LINC00632: variants seen among roughly 807,000 people sequenced by gnomAD.
LINC00632 encodes the protein long independently transcribed non-coding RNA 632.
intron 1 of LINC00632, among the ~76,000 whole-genome samples, chrX:140,710,453 T>C (rs1293466426): frequency 9.0e-6 from 1 of 111,133 alleles, no homozygotes; most frequent in Non-Finnish European, 1.9e-5. Context: ...TGATCGTGCT[T>C]TCATTGGAAA....
chrX:140,728,400 C>T (rs1931001339), intron 2 of LINC00632, among the ~76,000 whole-genome samples: 1 of 110,692 alleles, frequency 9.0e-6, no homozygotes, highest in African/African-American at 3.3e-5. Context: ...AGATTTACCC[C>T]CAAATGCACA....
chrX:140,748,663 T>C (rs960627176), intron 3 of LINC00632, among the ~76,000 whole-genome samples: 1 of 110,317 alleles, frequency 9.1e-6, no homozygotes, highest in Non-Finnish European at 1.9e-5. Flanking sequence ...CTTTATCTCA[T>C]TGCCAGTTTT....
chrX:140,742,031 T>G (rs1931231421), intron 3 of LINC00632, among the ~76,000 whole-genome samples: 1 of 112,183 alleles, frequency 8.9e-6, no homozygotes, highest in Non-Finnish European at 1.9e-5. Context: ...TGCTCCTCCC[T>G]GTCTCTCAGC....
chrX:140,776,592 G>A (rs751982981), exon 5 of LINC00632, among the ~76,000 whole-genome samples: 25 of 112,463 alleles, frequency 2.2e-4, no homozygotes, highest in South Asian at 1.1e-3. Flanking sequence ...GTCCGCATCC[G>A]CCGCGCGTTA....
exon 4 of LINC00632, among the ~76,000 whole-genome samples, chrX:140,773,002 C>G (rs61230653): frequency 0.059 from 6,516 of 111,113 alleles, 213 homozygotes; most frequent in Admixed American, 0.18. Context: ...CTTGTCTCTA[C>G]TAAAAATACA....
At chrX:140,782,877 A>G (rs1931954442) in exon 5 of LINC00632, 1 of 111,655 alleles carries the variant, frequency 9.0e-6, no homozygotes, top group Non-Finnish European at 1.9e-5. Flanking sequence ...TCTTTTTGAC[A>G]TAAATATGTC....
intron 2 of LINC00632, among the ~76,000 whole-genome samples, chrX:140,723,392 ACACACACATTC>A (rs1369381432): frequency 2.6e-3 from 3 of 1,163 alleles, no homozygotes; most frequent in African/African-American, 0.013. Flanking sequence ...CACATTCCAT[ACACACACATTC>A]CATACACACA....
chrX:140,769,091 C>CCTTGG (rs1342264719), intron 3 of LINC00632, among the ~76,000 whole-genome samples: 1 of 110,613 alleles, frequency 9.0e-6, no homozygotes, highest in Non-Finnish European at 1.9e-5. Context: ...GGGGAAGGTG[C>CCTTGG]CTTGTAGTGC....
intron 2 of LINC00632, among the ~76,000 whole-genome samples, chrX:140,728,571 C>T (rs1034119773): frequency 9.0e-6 from 1 of 110,866 alleles, no homozygotes; most frequent in African/African-American, 3.3e-5. Context: ...AGCCTCACCC[C>T]ACGAGGTACC....
exon 5 of LINC00632, among the ~76,000 whole-genome samples, chrX:140,776,651 G>A (rs1450218874): frequency 8.9e-6 from 1 of 112,052 alleles, no homozygotes; most frequent in Non-Finnish European, 1.9e-5. Flanking sequence ...GATAGATGCC[G>A]GAGAGGATGT....
chrX:140,718,326 C>T (rs1298134139), intron 2 of LINC00632, among the ~76,000 whole-genome samples: 6 of 110,207 alleles, frequency 5.4e-5, no homozygotes, highest in African/African-American at 2.0e-4. Flanking sequence ...CATAGAATAT[C>T]CCTCATAAAG....
chrX:140,741,626 G>C (rs1477159873), intron 3 of LINC00632, among the ~76,000 whole-genome samples: 1 of 111,916 alleles, frequency 8.9e-6, no homozygotes, highest in African/African-American at 3.2e-5. Context: ...ACCCAGAAGA[G>C]AATTGTATTC....
intron 2 of LINC00632, among the ~76,000 whole-genome samples, chrX:140,727,585 G>A (rs111337599): frequency 2.2e-4 from 25 of 111,452 alleles, no homozygotes; most frequent in Non-Finnish European, 4.0e-4. Context: ...GAGCCACCAC[G>A]CCCGACCGTG....
At chrX:140,774,442 G>A (rs766500411) in exon 5 of LINC00632, among the ~76,000 whole-genome samples, 3 of 111,645 alleles carry the variant, frequency 2.7e-5, no homozygotes, top group African/African-American at 6.5e-5. Flanking sequence ...ATTCAAACCC[G>A]TTCTGCAAAC....
At chrX:140,741,583 C>A (rs899677677) in intron 3 of LINC00632, among the ~76,000 whole-genome samples, 3 of 111,913 alleles carry the variant, frequency 2.7e-5, no homozygotes, top group African/African-American at 9.7e-5. Context: ...CCAAGGGTGC[C>A]CGCCATCTCA....
At chrX:140,740,996 T>G (rs1275025452) in intron 3 of LINC00632, among the ~76,000 whole-genome samples, 1 of 112,012 alleles carries the variant, frequency 8.9e-6, no homozygotes, top group African/African-American at 3.2e-5. Flanking sequence ...CAGGGGTAGT[T>G]AGTACAACTC....
chrX:140,747,508 C>T (rs1039340804), intron 3 of LINC00632, among the ~76,000 whole-genome samples: 2 of 73,855 alleles, frequency 2.7e-5, no homozygotes, highest in Non-Finnish European at 5.0e-5. Context: ...CCAGCCTGGG[C>T]GGGAAGAGCC....
chrX:140,778,844 T>A (rs1314188365), exon 5 of LINC00632, among the ~76,000 whole-genome samples: 1 of 111,293 alleles, frequency 9.0e-6, no homozygotes, highest in African/African-American at 3.3e-5. Context: ...TGGAAACATT[T>A]ATCTAGGGCC....
chrX:140,788,035 C>A (rs1932041896), exon 5 of LINC00632, among the ~76,000 whole-genome samples: 2 of 109,767 alleles, frequency 1.8e-5, no homozygotes, highest in African/African-American at 6.6e-5. Flanking sequence ...TCTCAAAAGA[C>A]TACATATAGT....
Sources: allele counts gnomAD v4.1 joint callset (sites outside exome capture counted in the v4.1 genomes callset), GRCh38; gene constraint gnomAD v4.1.1; transcripts MANE v1.5; gene names NCBI Gene and HGNC (gene_info 2026-07-23, HGNC 2026-07-21).